Variants in TOX observed in about 807,000 individuals in gnomAD.
TOX encodes the protein thymocyte selection-associated high mobility group box protein TOX.
TOX carries 11 observed loss-of-function variants against 53.7 expected under a neutral mutation model. The observed-to-expected ratio is 0.20, with a 90% CI of 0.13 to 0.34. The LOEUF (loss-of-function observed/expected upper bound fraction) is 0.34, where lower values mean the gene tolerates loss of function less well. Ranked by LOEUF, TOX falls within the 10% of genes least tolerant of loss-of-function variation. The pLI is 1.00. For missense variants in TOX, 570 were observed against 664.6 expected, an observed-to-expected ratio of 0.86 and a Z score of 1.56; for synonymous variants, 225 against 245.3, an observed-to-expected ratio of 0.92 and a Z score of 0.77.
chr8:58,881,648 T>TGGGAGGCG (rs1811384421), intron 3 of TOX, among the ~76,000 whole-genome samples: 1 of 140,490 alleles, frequency 7.1e-6, no homozygotes, highest in South Asian at 2.3e-4. Flanking sequence ...CGCTGGAACT[T>TGGGAGGCG]GGGAGGCGGA....
chr8:58,896,754 C>A (rs1386402594), intron 3 of TOX, among the ~76,000 whole-genome samples: 1 of 152,112 alleles, frequency 6.6e-6, no homozygotes, highest in Non-Finnish European at 1.5e-5. Flanking sequence ...AATGCCATTT[C>A]AGTACTTTAG....
intron 3 of TOX, among the ~76,000 whole-genome samples, chr8:58,928,745 C>T (rs548219193): frequency 8.5e-5 from 13 of 152,126 alleles, no homozygotes; most frequent in Middle Eastern, 3.4e-3. Flanking sequence ...CTTTATGAAT[C>T]CACTGTCTTG....
chr8:59,022,883 C>T (rs113654), intron 1 of TOX, among the ~76,000 whole-genome samples: 12,971 of 152,138 alleles, frequency 0.085, 1,219 homozygotes, highest in East Asian at 0.41. Flanking sequence ...AGGATGACAG[C>T]AAAACCCAGC....
intron 1 of TOX, among the ~76,000 whole-genome samples, chr8:59,100,366 T>A (rs1804786050): frequency 6.6e-6 from 1 of 152,140 alleles, no homozygotes; most frequent in Non-Finnish European, 1.5e-5. Flanking sequence ...CTATTTGTGG[T>A]GTTCTGAATT....
chr8:58,871,716 G>A (rs1270832482), intron 3 of TOX, among the ~76,000 whole-genome samples: 1 of 152,152 alleles, frequency 6.6e-6, no homozygotes, highest in African/African-American at 2.4e-5. Context: ...GGATGTGGGT[G>A]CCAAGTTTCT....
At chr8:58,959,162 T>C (rs1294846013) in intron 2 of TOX, among the ~76,000 whole-genome samples, 2 of 152,338 alleles carry the variant, frequency 1.3e-5, no homozygotes, top group South Asian at 4.1e-4. Context: ...TGCTTTCACT[T>C]ATTCGTTTAT....
At chr8:58,869,197 A>C (rs911265506) in intron 3 of TOX, among the ~76,000 whole-genome samples, 1 of 142,482 alleles carries the variant, frequency 7.0e-6, no homozygotes, top group African/African-American at 2.6e-5. Flanking sequence ...ACTGCACTCC[A>C]GTCTGGCAAC....
At chr8:59,082,897 C>A (rs1485646714) in intron 1 of TOX, among the ~76,000 whole-genome samples, 1 of 152,162 alleles carries the variant, frequency 6.6e-6, no homozygotes. Flanking sequence ...TAGAGAAGCA[C>A]CGTATATTTA....
At position 59,067,462 on chromosome 8, in the gene TOX, G is replaced by A. The variant is rs371708822; in HGVS notation, c.102+51424C>T. On this transcript the variant is annotated intron_variant, in intron 1 of 8. Coordinates refer to ENST00000361421, the MANE Select transcript of TOX (RefSeq NM_014729.3). ...CCAGCTACTTGGGGGGCTGAGGCACGAGAAATCGCTTGAACCCAGGAGGCA... is the reference window on the plus strand; with the variant it reads ...CCAGCTACTTGGGGGGCTGAGGCACAAGAAATCGCTTGAACCCAGGAGGCA... Among the ~76,000 whole-genome samples, 9 of 152,126 alleles carry A rather than the reference G, an allele frequency of 5.9e-5. No homozygotes were observed. The South Asian group carries it at 6.2e-4, about 11-fold the overall frequency.
intron 1 of TOX, among the ~76,000 whole-genome samples, chr8:59,009,374 T>C (rs545925368): frequency 1.3e-5 from 2 of 151,532 alleles, no homozygotes; most frequent in Non-Finnish European, 2.9e-5. Flanking sequence ...CTTTCTCTCT[T>C]TCTTTCTTTC....
At chr8:58,976,898 G>T (rs1245526979) in intron 1 of TOX, among the ~76,000 whole-genome samples, 1 of 152,174 alleles carries the variant, frequency 6.6e-6, no homozygotes, top group Non-Finnish European at 1.5e-5. Context: ...AAACCATGCT[G>T]TAAAAGGATG....
At chr8:58,940,107 C>T (rs778484810) in intron 2 of TOX, among the ~76,000 whole-genome samples, 1 of 152,050 alleles carries the variant, frequency 6.6e-6, no homozygotes, top group Non-Finnish European at 1.5e-5. Context: ...GAAGAAAATG[C>T]CATTAAGAGC....
intron 1 of TOX, among the ~76,000 whole-genome samples, chr8:59,014,783 C>G (rs1218649034): frequency 1.3e-5 from 2 of 151,950 alleles, no homozygotes; most frequent in Non-Finnish European, 2.9e-5. Flanking sequence ...TTATGCATAG[C>G]AGAATGGAAT....
intron 1 of TOX, among the ~76,000 whole-genome samples, chr8:59,043,201 C>CTGCG (rs1554541593): frequency 1.4e-5 from 2 of 147,904 alleles, no homozygotes; most frequent in Non-Finnish European, 3.0e-5. Context: ...ACTTTCTTTT[C>CTGCG]TGTGTGTGTG....
intron 3 of TOX, among the ~76,000 whole-genome samples, chr8:58,879,224 T>C (rs980252774): frequency 1.3e-5 from 2 of 152,190 alleles, no homozygotes; most frequent in African/African-American, 2.4e-5. Context: ...TGATATTTGG[T>C]ACAGAAACCA....
chr8:58,930,081 A>G (rs1192044003), intron 3 of TOX, among the ~76,000 whole-genome samples: 1 of 152,206 alleles, frequency 6.6e-6, no homozygotes, highest in Non-Finnish European at 1.5e-5. Context: ...TAGGGCTCAA[A>G]TTCATTTAGG....
At chr8:59,036,778 G>T (rs1045057781) in intron 1 of TOX, among the ~76,000 whole-genome samples, 1 of 152,184 alleles carries the variant, frequency 6.6e-6, no homozygotes, top group African/African-American at 2.4e-5. Context: ...ATGTGTGTAT[G>T]TGTGTGACTA....
At chr8:58,877,508 G>A (rs564612426) in intron 3 of TOX, among the ~76,000 whole-genome samples, 2 of 152,302 alleles carry the variant, frequency 1.3e-5, no homozygotes, top group African/African-American at 4.8e-5. Context: ...TTGTGAAATA[G>A]AGACTCAACA....
intron 2 of TOX, among the ~76,000 whole-genome samples, chr8:58,950,283 G>T (rs1812600023): frequency 6.6e-6 from 1 of 151,920 alleles, no homozygotes; most frequent in South Asian, 2.1e-4. Context: ...GTCTATTTAT[G>T]GCCAATCATT....
Sources: allele counts gnomAD v4.1 joint callset (sites outside exome capture counted in the v4.1 genomes callset), GRCh38; gene constraint gnomAD v4.1.1; transcripts MANE v1.5; gene names NCBI Gene and HGNC (gene_info 2026-07-23, HGNC 2026-07-21).